Variants in RBFOX1 observed in about 807,000 individuals in gnomAD.
The protein encoded by RBFOX1 is RNA binding protein fox-1 homolog 1.
In RBFOX1, 8 loss-of-function variants were observed where a neutral mutation model predicts 57.7. The observed-to-expected ratio is 0.14, with a 90% CI of 0.08 to 0.25. The LOEUF (loss-of-function observed/expected upper bound fraction) is 0.25. Ranked by LOEUF, RBFOX1 falls within the 10% of genes least tolerant of loss-of-function variation. The pLI, the probability that RBFOX1 is intolerant of heterozygous loss-of-function variation, is 1.00. For synonymous variants in RBFOX1, 326 were observed against 222.4 expected, an observed-to-expected ratio of 1.47 and a Z score of -4.15; for missense variants, 611 against 548.5, an observed-to-expected ratio of 1.11 and a Z score of -1.14.
chr16:5,776,456 G>C (rs1240283044), intron 3 of RBFOX1, among the ~76,000 whole-genome samples: 2 of 152,204 alleles, frequency 1.3e-5, no homozygotes, highest in Non-Finnish European at 2.9e-5. Context: ...ATCTCAGTGA[G>C]CCTTCTGGAA....
At chr16:6,815,157 A>G (rs1418579818) in intron 3 of RBFOX1, among the ~76,000 whole-genome samples, 1 of 152,180 alleles carries the variant, frequency 6.6e-6, no homozygotes, top group Admixed American at 6.5e-5. Flanking sequence ...GTAAACTGTC[A>G]TGGCGCTGGT....
rs183423509 is a variant in RBFOX1, at chr16:5,918,590, C to T, written c.351+51255C>T. 7.7e-3 allele frequency among the ~76,000 whole-genome samples: 1,168 copies of T among 152,330 alleles called. 19 individuals are homozygous for T. Among genetic ancestry groups the T allele is most frequent in the African/African-American group, 0.027 (1,119 of 41,568 alleles). ...TCTATAACAAAATTAGTCCACAATT[C>T]TCTGGATGAATGATTAAAACCCCTC... On this transcript the variant is annotated intron_variant, in intron 4 of 19. Transcript: ENST00000641259.
chr16:6,161,509 C>G (rs898789090), intron 1 of RBFOX1, among the ~76,000 whole-genome samples: 7 of 152,100 alleles, frequency 4.6e-5, no homozygotes, highest in Non-Finnish European at 1.0e-4. Flanking sequence ...GGGGTTTTGT[C>G]CTGCAGAGAA....
chr16:5,488,893 G>C (rs1001839988), intron 2 of RBFOX1, among the ~76,000 whole-genome samples: 1 of 152,206 alleles, frequency 6.6e-6, no homozygotes, highest in Non-Finnish European at 1.5e-5. Context: ...GATGGAATAT[G>C]ATGGTGATAC....
intron 4 of RBFOX1, among the ~76,000 whole-genome samples, chr16:5,923,252 T>C (rs1240076783): frequency 6.6e-6 from 1 of 152,086 alleles, no homozygotes; most frequent in Non-Finnish European, 1.5e-5. Flanking sequence ...TAATAAACTC[T>C]AAATTAACAA....
rs554575860 is a variant in RBFOX1 at position 6,971,625 on chromosome 16, G to C, written c.-15-80432G>C. Among the ~76,000 whole-genome samples the C allele has an allele frequency of 3.9e-5, 6 of 152,174 alleles. 1 individual carries two copies. In the South Asian group the frequency reaches 1.2e-3, roughly 32 times the overall value. Reference sequence around the variant, plus strand: ...GGAATATGGTGTACTGATTGGGGGCGGAGAATGGAGTCAAACATTCCAATT... The same window carrying C: ...GGAATATGGTGTACTGATTGGGGGCCGAGAATGGAGTCAAACATTCCAATT... On this transcript the variant is annotated intron_variant, in intron 3 of 15. Transcript: ENST00000550418.
intron 3 of RBFOX1, among the ~76,000 whole-genome samples, chr16:5,798,006 G>A (rs967806510): frequency 6.6e-6 from 1 of 152,274 alleles, no homozygotes; most frequent in Non-Finnish European, 1.5e-5. Context: ...TACTGTGTGC[G>A]AAGCCCTGGG....
At chr16:6,093,164 G>A (rs1191260078) in intron 1 of RBFOX1, among the ~76,000 whole-genome samples, 2 of 152,176 alleles carry the variant, frequency 1.3e-5, no homozygotes, top group Non-Finnish European at 2.9e-5. Flanking sequence ...TCACTGAGTG[G>A]TCTGTAGGTA....
At chr16:7,084,960 ATC>A (rs1182510223) in intron 4 of RBFOX1, among the ~76,000 whole-genome samples, 1 of 151,998 alleles carries the variant, frequency 6.6e-6, no homozygotes, top group Non-Finnish European at 1.5e-5. Context: ...CTATCTATGT[ATC>A]TGTCTGTCTG....
At chr16:7,221,946 G>T (rs916495479) in intron 4 of RBFOX1, among the ~76,000 whole-genome samples, 1 of 152,316 alleles carries the variant, frequency 6.6e-6, no homozygotes, top group African/African-American at 2.4e-5. Context: ...TGCAGAAGAG[G>T]CTTCTAAGTC....
intron 2 of RBFOX1, among the ~76,000 whole-genome samples, chr16:6,620,103 C>G (rs945393348): frequency 9.9e-5 from 15 of 152,272 alleles, no homozygotes; most frequent in African/African-American, 3.6e-4. Flanking sequence ...TTTATCCAGT[C>G]TATCATTGGT....
At chr16:6,688,773 T>A (rs142647984) in intron 3 of RBFOX1, among the ~76,000 whole-genome samples, 4 of 152,290 alleles carry the variant, frequency 2.6e-5, no homozygotes, top group African/African-American at 9.6e-5. Flanking sequence ...TTTCTCCTAA[T>A]GCCATCCTTC....
At chr16:7,157,872 G>T (rs535573924) in intron 4 of RBFOX1, among the ~76,000 whole-genome samples, 2 of 152,212 alleles carry the variant, frequency 1.3e-5, no homozygotes, top group East Asian at 1.9e-4. Context: ...ATATATTTCA[G>T]CTTCTCTGTT....
intron 1 of RBFOX1, among the ~76,000 whole-genome samples, chr16:6,242,772 G>A (rs749481815): frequency 9.2e-5 from 14 of 151,888 alleles, no homozygotes; most frequent in Admixed American, 9.2e-4. Context: ...TTGCCAGAAG[G>A]CACCCAGATA....
intron 14 of RBFOX1, among the ~76,000 whole-genome samples, chr16:7,687,888 G>C (rs1198570291): frequency 1.3e-5 from 2 of 152,004 alleles, no homozygotes; most frequent in Non-Finnish European, 2.9e-5. Context: ...CTGGCTGACA[G>C]ATGAGAATCA....
intron 3 of RBFOX1, among the ~76,000 whole-genome samples, chr16:6,768,599 C>G (rs1281967598): frequency 3.3e-5 from 5 of 151,644 alleles, no homozygotes; most frequent in Non-Finnish European, 7.4e-5. Flanking sequence ...AAATACACAT[C>G]TACAAACATA....
chr16:5,864,903 G>A (rs951958461), intron 3 of RBFOX1, among the ~76,000 whole-genome samples: 1 of 152,188 alleles, frequency 6.6e-6, no homozygotes, highest in Non-Finnish European at 1.5e-5. Context: ...TTCAAACCCT[G>A]TACTTTAGTC....
chr16:5,955,237 T>C (rs1484778379), intron 4 of RBFOX1, among the ~76,000 whole-genome samples: 3 of 143,662 alleles, frequency 2.1e-5, no homozygotes, highest in African/African-American at 7.8e-5. Flanking sequence ...GCCAAGATTA[T>C]GCCATTGCAC....
chr16:6,689,840 G>C (rs1257621595), intron 3 of RBFOX1, among the ~76,000 whole-genome samples: 1 of 152,176 alleles, frequency 6.6e-6, no homozygotes, highest in African/African-American at 2.4e-5. Context: ...AGTAAGCTTT[G>C]TCTCCTGCAA....
Sources: gnomAD v4.1 joint callset for allele counts (sites outside exome capture counted in the v4.1 genomes callset) on GRCh38, gnomAD v4.1.1 for gene constraint, MANE v1.5 for transcripts, NCBI Gene and HGNC (gene_info 2026-07-23, HGNC 2026-07-21) for gene names.